Variants in CRISPLD2 observed in about 807,000 individuals in gnomAD.
The protein encoded by CRISPLD2 is cysteine rich secretory protein LCCL domain containing 2.
Under a neutral mutation model 71.1 loss-of-function variants are expected in CRISPLD2, and 47 were observed. The observed-to-expected ratio is 0.66, with a 90% CI of 0.52 to 0.84. The LOEUF is 0.84. Ranked by LOEUF, CRISPLD2 falls within the 40% of genes least tolerant of loss-of-function variation. The pLI, the probability that CRISPLD2 is intolerant of heterozygous loss-of-function variation, is 0.00. For missense variants in CRISPLD2, 830 were observed against 651.1 expected (o/e 1.27, Z -2.99); for synonymous variants, 317 against 250.1 (o/e 1.27, Z -2.52).
rs1257600348 is a variant in CRISPLD2, at chr16:84,879,050, G to T, written c.1230-1459G>T. On this transcript the variant is annotated intron_variant, in intron 12 of 14. Coordinates refer to ENST00000262424, the MANE Select transcript of CRISPLD2 (RefSeq NM_031476.4). ...GTGGTGACCCCAAGGTTCCGAGCAG[G>T]GAAAGGCCCAGGAGGGTGACTGGTT... 2.0e-5 allele frequency among the ~76,000 whole-genome samples: 3 copies of T among 152,256 alleles called. No individual in the cohort carries two copies. In the East Asian group the frequency reaches 5.8e-4, roughly 29 times the overall value.
At chr16:84,900,686 C>A (rs749828925) in intron 14 of CRISPLD2, among the ~76,000 whole-genome samples, 1 of 152,044 alleles carries the variant, frequency 6.6e-6, no homozygotes, top group Non-Finnish European at 1.5e-5. Flanking sequence ...CACTCCTAGG[C>A]GCTCACTCTC....
intron 14 of CRISPLD2, among the ~76,000 whole-genome samples, chr16:84,905,435 T>C (rs1386407432): frequency 2.6e-5 from 4 of 151,986 alleles, no homozygotes; most frequent in Non-Finnish European, 1.5e-5. Flanking sequence ...AGTCTCACTC[T>C]CTTGCCCAGG....
Position 84,906,810 on chromosome 16 carries a change from A to G in CRISPLD2, c.*168A>G. 1 of 780,614 alleles carries G rather than the reference A, an allele frequency of 1.3e-6. No homozygotes were observed. The highest frequency in any genetic ancestry group is 2.2e-6 in the Non-Finnish European group (1 of 455,290). 48.4% of individuals were successfully genotyped at this position (780,614 alleles called of 1,614,324 possible). On this transcript the variant is annotated 3_prime_UTR_variant, in exon 15 of 15. Coordinates refer to ENST00000262424, the MANE Select transcript of CRISPLD2 (RefSeq NM_031476.4). ...GGGTGAGGTGACATCTCATCCCCTC[A>G]CTGAAGCAACAGCATCCCAAGGTGC...
chr16:84,887,670 A>T (rs1464864275), intron 13 of CRISPLD2, among the ~76,000 whole-genome samples: 1 of 152,172 alleles, frequency 6.6e-6, no homozygotes, highest in Non-Finnish European at 1.5e-5. Context: ...TGAGGTCAGG[A>T]GTTCGACACC....
chr16:84,863,670 G>A (rs1238461563), intron 6 of CRISPLD2, among the ~76,000 whole-genome samples: 1 of 152,190 alleles, frequency 6.6e-6, no homozygotes, highest in Non-Finnish European at 1.5e-5. Flanking sequence ...GAGGTTGACA[G>A]AAGAAAATGC....
At chr16:84,892,527 G>C (rs2071671750) in intron 14 of CRISPLD2, among the ~76,000 whole-genome samples, 3 of 152,154 alleles carry the variant, frequency 2.0e-5, no homozygotes, top group Admixed American at 2.0e-4. Context: ...GAGATTCTCA[G>C]CGCTGAGTTG....
chr16:84,854,118 AG>A (rs1465032501), intron 5 of CRISPLD2, among the ~76,000 whole-genome samples: 2 of 152,300 alleles, frequency 1.3e-5, no homozygotes, highest in East Asian at 3.9e-4. Context: ...TGAGCCGGAC[AG>A]CCTGTGTTCA....
rs541211333 is a variant in CRISPLD2 at position 84,830,914 on chromosome 16, C to T, written c.-74-7508C>T. On this transcript the variant is annotated intron_variant, in intron 1 of 14. Transcript: ENST00000262424. ...ATGCTCGGTGACTTCACACTGGTTG[C>T]TTGAAGTTGGCCATGGTGGGAGTAT... is the stretch of plus-strand genomic sequence containing the variant. 2.0e-5 allele frequency among the ~76,000 whole-genome samples: 3 copies of T among 152,224 alleles called. No homozygotes were observed. In the East Asian group the frequency reaches 5.8e-4, roughly 29 times the overall value.
chr16:84,898,240 C>T (rs537713304), intron 14 of CRISPLD2, among the ~76,000 whole-genome samples: 25 of 152,198 alleles, frequency 1.6e-4, no homozygotes, highest in Non-Finnish European at 3.4e-4. Flanking sequence ...TGCACAGTGT[C>T]GCACCAAGGA....
At position 84,906,748 on chromosome 16, in the gene CRISPLD2, T is replaced by C. The variant is rs766300171; in HGVS notation, c.*106T>C. On this transcript the variant is annotated 3_prime_UTR_variant, in exon 15 of 15. Coordinates refer to ENST00000262424, the MANE Select transcript of CRISPLD2 (RefSeq NM_031476.4). The stretch of plus-strand genomic sequence containing the variant: ...TATATGGAGAGTCAGGAAACTTCCT[T>C]TGACTGATGTTCAGTGTCCATCACT... 1.2e-5 allele frequency: 15 copies of C among 1,256,242 alleles called. No individual in the cohort carries two copies. The East Asian group carries it at 3.5e-4, about 29-fold the overall frequency. 77.8% of individuals were successfully genotyped at this position (1,256,242 alleles called of 1,614,324 possible).
At chr16:84,903,293 A>G (rs937547498) in intron 14 of CRISPLD2, among the ~76,000 whole-genome samples, 1 of 151,716 alleles carries the variant, frequency 6.6e-6, no homozygotes, top group Non-Finnish European at 1.5e-5. Context: ...GTCACAGAAC[A>G]TTCCGGAAAG....
intron 11 of CRISPLD2, among the ~76,000 whole-genome samples, chr16:84,875,557 T>TG (rs2071511114): frequency 6.6e-6 from 1 of 150,772 alleles, no homozygotes; most frequent in Non-Finnish European, 1.5e-5. Context: ...TATTTTATTT[T>TG]TTATTTTGTT....
intron 12 of CRISPLD2, among the ~76,000 whole-genome samples, chr16:84,877,965 C>G (rs1481635214): frequency 6.6e-6 from 1 of 151,342 alleles, no homozygotes; most frequent in Non-Finnish European, 1.5e-5. Context: ...AATCCCAGCA[C>G]TTTGGGAGGC....
At chr16:84,881,208 C>G (rs1341878732) in intron 13 of CRISPLD2, among the ~76,000 whole-genome samples, 2 of 152,198 alleles carry the variant, frequency 1.3e-5, no homozygotes, top group Admixed American at 1.3e-4. Context: ...CTTCCCAGCT[C>G]TCCGGATGCA....
At chr16:84,871,323 A>G (rs1207592145) in intron 8 of CRISPLD2, among the ~76,000 whole-genome samples, 3 of 152,100 alleles carry the variant, frequency 2.0e-5, no homozygotes, top group South Asian at 2.1e-4. Context: ...TGGGAGGTCA[A>G]GGTGGGTGGA....
At chr16:84,874,870 G>A (rs575609976) in intron 11 of CRISPLD2, among the ~76,000 whole-genome samples, 4 of 152,184 alleles carry the variant, frequency 2.6e-5, no homozygotes, top group South Asian at 4.1e-4. Flanking sequence ...TATGTACATT[G>A]GTAATATATA....
chr16:84,857,871 A>G lies in CRISPLD2; in HGVS notation c.709+3042A>G, dbSNP rs2088389. On this transcript the variant is annotated intron_variant, in intron 6 of 14. Coordinates refer to ENST00000262424, the MANE Select transcript of CRISPLD2 (RefSeq NM_031476.4). The stretch of plus-strand genomic sequence containing the variant: ...TGCTTTCAGGACTTGCTTGAGCTCA[A>G]TCACACATATGCCACTTCCATTTGA... 8.1e-3 allele frequency among the ~76,000 whole-genome samples: 1,230 copies of G among 152,238 alleles called. 9 individuals are homozygous for G. Among genetic ancestry groups the G allele is most frequent in the Admixed American group, 0.014 (217 of 15,300 alleles).
chr16:84,826,425 G>A (rs995383676), intron 1 of CRISPLD2, among the ~76,000 whole-genome samples: 1 of 152,230 alleles, frequency 6.6e-6, no homozygotes, highest in Non-Finnish European at 1.5e-5. Context: ...TTCAGAGCAC[G>A]TTTCATGCCC....
chr16:84,870,446 C>T (rs997866685), intron 8 of CRISPLD2, among the ~76,000 whole-genome samples: 2 of 151,950 alleles, frequency 1.3e-5, no homozygotes, highest in East Asian at 2.0e-4. Flanking sequence ...CAGCCTCCCG[C>T]GTAGCTGGAA....
Sources: allele counts gnomAD v4.1 joint callset (sites outside exome capture counted in the v4.1 genomes callset), GRCh38; gene constraint gnomAD v4.1.1; transcripts MANE v1.5; gene names NCBI Gene and HGNC (gene_info 2026-07-23, HGNC 2026-07-21).